The following DCC variants were observed in gnomAD, a reference collection of about 807,000 sequenced individuals.
DCC encodes the protein netrin receptor DCC.
DCC carries 58 observed loss-of-function variants against 172.5 expected under a neutral mutation model. That is an observed-to-expected ratio of 0.34 (90% CI 0.27 to 0.42). The LOEUF (loss-of-function observed/expected upper bound fraction) is 0.42, where lower values mean the gene tolerates loss of function less well. Among genes scored for constraint, DCC ranks in the 10% least tolerant of loss-of-function variants. The pLI is 1.00. For synonymous variants in DCC, 709 were observed against 644.5 expected (o/e 1.10, Z -1.52); for missense variants, 1,740 against 1,791.0 (o/e 0.97, Z 0.51).
chr18:52,801,881 C>G (rs888270471), intron 2 of DCC, among the ~76,000 whole-genome samples: 5 of 152,070 alleles, frequency 3.3e-5, no homozygotes, highest in African/African-American at 1.2e-4. Context: ...TGCTTTTTTT[C>G]TCTATGTGCT....
chr18:52,995,549 G>A (rs1441276352), intron 5 of DCC, among the ~76,000 whole-genome samples: 1 of 151,392 alleles, frequency 6.6e-6, no homozygotes, highest in Non-Finnish European at 1.5e-5. Flanking sequence ...CCATTTTCTG[G>A]CTCTTCCCCT....
chr18:53,046,145 C>T (rs1009953671), intron 5 of DCC, among the ~76,000 whole-genome samples: 2 of 151,914 alleles, frequency 1.3e-5, no homozygotes, highest in African/African-American at 2.4e-5. Context: ...GGAATATAAT[C>T]GATGCTGGAA....
At chr18:52,593,562 T>C (rs1033963227) in intron 1 of DCC, among the ~76,000 whole-genome samples, 9 of 152,234 alleles carry the variant, frequency 5.9e-5, no homozygotes, top group Non-Finnish European at 1.3e-4. Context: ...AATATTACTT[T>C]CATGGTTTTT....
intron 1 of DCC, among the ~76,000 whole-genome samples, chr18:52,388,565 T>G (rs1985908889): frequency 1.3e-5 from 2 of 152,082 alleles, no homozygotes; most frequent in South Asian, 4.1e-4. Context: ...TCCAGTACTT[T>G]TAGAATGTGT....
At chr18:53,143,424 A>G (rs2043860231) in intron 7 of DCC, among the ~76,000 whole-genome samples, 1 of 152,164 alleles carries the variant, frequency 6.6e-6, no homozygotes, top group Non-Finnish European at 1.5e-5. Flanking sequence ...CAATCTCCAG[A>G]TTTCCTATCC....
chr18:53,167,500 G>A (rs2054939889), intron 8 of DCC, among the ~76,000 whole-genome samples: 1 of 152,074 alleles, frequency 6.6e-6, no homozygotes, highest in African/African-American at 2.4e-5. Context: ...AAATAAATGG[G>A]GATGGAACAA....
chr18:53,117,829 C>T (rs1266144717), intron 7 of DCC, among the ~76,000 whole-genome samples: 6 of 151,702 alleles, frequency 4.0e-5, no homozygotes, highest in Non-Finnish European at 7.4e-5. Flanking sequence ...TCCAATAAAA[C>T]ATTATTTATG....
intron 1 of DCC, among the ~76,000 whole-genome samples, chr18:52,488,080 G>C (rs2030320084): frequency 6.6e-6 from 1 of 152,042 alleles, no homozygotes; most frequent in African/African-American, 2.4e-5. Context: ...ATCTGCATAG[G>C]TTTGGGAAGA....
chr18:53,337,964 T>G (rs1022866898), intron 14 of DCC, among the ~76,000 whole-genome samples: 2 of 152,226 alleles, frequency 1.3e-5, no homozygotes, highest in Admixed American at 1.3e-4. Context: ...ACATAAATAA[T>G]GAACAGAATC....
At chr18:52,986,815 TACACACACACACATATACATACACAC>T (rs201278572) in intron 5 of DCC, among the ~76,000 whole-genome samples, 7,552 of 149,466 alleles carry the variant, frequency 0.051, 328 homozygotes, top group East Asian at 0.21. Context: ...AGTATATATA[TACACACACACACATATACATACACAC>T]ACACACACAC....
chr18:53,157,474 A>G lies in DCC; in HGVS notation c.1380A>G (p.Gln460=). The G allele has an allele frequency of 6.2e-7, 1 of 1,614,108 alleles. No homozygotes were observed. The highest frequency in any genetic ancestry group is 1.7e-5 in the Admixed American group (1 of 60,018). The part of the protein sequence containing the change: ...RPPAEAKGNI[Q]TFTVFFSREG... ...CTGCAGAAGCGAAAGGGAACATTCA[A>G]ACTTTCACGGTCTTTTTCTCCAGAG... The change falls in exon 8 of 29, where the codon CAA becomes CAG. Residue 460 remains glutamine, a synonymous_variant. Coordinates refer to ENST00000442544, the MANE Select transcript of DCC (RefSeq NM_005215.4).
chr18:52,944,203 G>T (rs1235735141), intron 5 of DCC, among the ~76,000 whole-genome samples: 2 of 152,158 alleles, frequency 1.3e-5, no homozygotes, highest in Non-Finnish European at 2.9e-5. Flanking sequence ...ACGCTTCCCT[G>T]GTAATGTGAT....
chr18:52,858,430 A>G (rs2039086326), intron 2 of DCC, among the ~76,000 whole-genome samples: 1 of 152,182 alleles, frequency 6.6e-6, no homozygotes, highest in Non-Finnish European at 1.5e-5. Flanking sequence ...GGAACTCACA[A>G]CACACAGAAG....
At chr18:52,909,346 G>A (rs1020905670) in intron 3 of DCC, among the ~76,000 whole-genome samples, 4 of 152,120 alleles carry the variant, frequency 2.6e-5, no homozygotes, top group Non-Finnish European at 5.9e-5. Flanking sequence ...TAGAACTCTT[G>A]AAAGGTATAT....
intron 5 of DCC, among the ~76,000 whole-genome samples, chr18:53,032,672 C>T (rs1035081216): frequency 6.6e-6 from 1 of 151,988 alleles, no homozygotes; most frequent in Admixed American, 6.6e-5. Context: ...AAGAAAAATG[C>T]CCACGTGGTA....
intron 2 of DCC, among the ~76,000 whole-genome samples, chr18:52,776,030 T>C (rs2037425721): frequency 6.6e-6 from 1 of 152,224 alleles, no homozygotes; most frequent in Non-Finnish European, 1.5e-5. Context: ...ACAGCAGAGT[T>C]GGATACTGAC....
intron 3 of DCC, among the ~76,000 whole-genome samples, chr18:52,912,497 T>C (rs2039984305): frequency 6.6e-6 from 1 of 152,078 alleles, no homozygotes; most frequent in Admixed American, 6.6e-5. Flanking sequence ...CATTTCTGCA[T>C]TTTATTTTCA....
chr18:52,547,003 G>A (rs77655149), intron 1 of DCC, among the ~76,000 whole-genome samples: 3,037 of 152,226 alleles, frequency 0.02, 106 homozygotes, highest in East Asian at 0.094. Context: ...AGAGCACACC[G>A]TCTGGAGTCA....
At chr18:52,974,620 T>C (rs948635739) in intron 5 of DCC, among the ~76,000 whole-genome samples, 26 of 152,196 alleles carry the variant, frequency 1.7e-4, no homozygotes, top group African/African-American at 6.0e-4. Context: ...TGAGAATAAA[T>C]AGTAACAGTG....
Sources: allele counts gnomAD v4.1 joint callset (sites outside exome capture counted in the v4.1 genomes callset), GRCh38; gene constraint gnomAD v4.1.1; transcripts MANE v1.5; gene names NCBI Gene and HGNC (gene_info 2026-07-23, HGNC 2026-07-21).